Variants in PIGU observed in about 807,000 individuals in gnomAD.
The protein encoded by PIGU is phosphatidylinositol glycan anchor biosynthesis class U.
PIGU carries 24 observed loss-of-function variants against 49.9 expected under a neutral mutation model. That is an observed-to-expected ratio of 0.48 (90% CI 0.35 to 0.68). The LOEUF is 0.68. Among genes scored for constraint, PIGU ranks in the 30% least tolerant of loss-of-function variants. The pLI, the probability that PIGU is intolerant of heterozygous loss-of-function variation, is 0.01. For synonymous variants in PIGU, 220 were observed against 205.7 expected (o/e 1.07, Z -0.59); for missense variants, 490 against 532.6 (o/e 0.92, Z 0.79).
intron 11 of PIGU, among the ~76,000 whole-genome samples, chr20:34,570,502 C>T (rs761566255): frequency 6.6e-6 from 1 of 152,124 alleles, no homozygotes; most frequent in Non-Finnish European, 1.5e-5. Context: ...GCAGCCTCCA[C>T]CTTCAGGGTT....
chr20:34,672,970 G>A (rs76769636), intron 1 of PIGU, among the ~76,000 whole-genome samples: 12,374 of 149,586 alleles, frequency 0.083, 1,661 homozygotes, highest in African/African-American at 0.29. Flanking sequence ...AATTTAAAAT[G>A]TCAGCCCGGC....
In PIGU at chr20:34,578,712, G is replaced by C. The variant is rs150400566; in HGVS notation, c.1051+2836C>G. Among the ~76,000 whole-genome samples the C allele has an allele frequency of 1.6e-3, 249 of 152,310 alleles. 1 individual carries two copies. Among genetic ancestry groups the C allele is most frequent in the African/African-American group, 5.6e-3 (233 of 41,576 alleles). ...GCCTGTGGTGACCTCTGCAGGAATG[G>C]GGAGCTGCTATTCACTCTTGCTGGC... is the stretch of plus-strand genomic sequence containing the variant. On this transcript the variant is annotated intron_variant, in intron 10 of 11. Transcript: ENST00000217446.
chr20:34,590,519 G>A (rs187021764), intron 7 of PIGU, among the ~76,000 whole-genome samples: 16 of 150,002 alleles, frequency 1.1e-4, no homozygotes, highest in African/African-American at 2.9e-4. Flanking sequence ...ATTGCACCAC[G>A]GCTGCACTCC....
At chr20:34,624,469 C>T (rs1174230564) in intron 6 of PIGU, among the ~76,000 whole-genome samples, 2 of 152,162 alleles carry the variant, frequency 1.3e-5, no homozygotes, top group African/African-American at 2.4e-5. Context: ...AGCACTGATC[C>T]TTCTTTCTCC....
At chr20:34,619,014 G>C (rs1361810773) in intron 6 of PIGU, among the ~76,000 whole-genome samples, 1 of 152,170 alleles carries the variant, frequency 6.6e-6, no homozygotes, top group Non-Finnish European at 1.5e-5. Context: ...ACAGACGAGA[G>C]AGTGGAGAGA....
rs528840641 is a variant in PIGU at position 34,652,010 on chromosome 20, C to T, written c.195+5170G>A. On this transcript the variant is annotated intron_variant, in intron 2 of 11. Coordinates refer to ENST00000217446, the MANE Select transcript of PIGU (RefSeq NM_080476.5). ...CAGCTATTTGGTTTGTTTTTATTTT[C>T]GTTTTTTGAGTCATGATTTTACTCT... is the stretch of plus-strand genomic sequence containing the variant. Among the ~76,000 whole-genome samples, 4 of 152,084 alleles carry T rather than the reference C, an allele frequency of 2.6e-5. No individual in the cohort carries two copies. The East Asian group carries it at 7.7e-4, about 29-fold the overall frequency.
At chr20:34,583,458 C>A (rs1983567206) in intron 9 of PIGU, among the ~76,000 whole-genome samples, 1 of 152,202 alleles carries the variant, frequency 6.6e-6, no homozygotes, top group South Asian at 2.1e-4. Context: ...GAGCTTCATA[C>A]CCAGGCAGAA....
At chr20:34,658,131 T>C (rs888680365) in intron 1 of PIGU, among the ~76,000 whole-genome samples, 8 of 152,348 alleles carry the variant, frequency 5.3e-5, no homozygotes, top group African/African-American at 1.4e-4. Flanking sequence ...TGCCTGCGAT[T>C]GCAGGCGCGC....
At chr20:34,676,811 G>A in intron 1 of PIGU, 145 bp downstream of exon 1, 1 of 1,124,640 alleles carries the variant, frequency 8.9e-7, no homozygotes, top group Non-Finnish European at 1.3e-6. Flanking sequence ...CCGCCCTCAG[G>A]CCCCGCCCTC....
rs746138659 is a variant in PIGU, at chr20:34,581,590, G to A, written c.1009C>T (p.Leu337Phe). 5 of 1,614,018 alleles carry A rather than the reference G, an allele frequency of 3.1e-6. No individual in the cohort carries two copies. The highest frequency in any genetic ancestry group is 3.4e-6 in the Non-Finnish European group (4 of 1,180,004). ...KSYPTVGDVA[L>F]YMAFFPVWNH... Reference sequence around the variant, plus strand: ...CACACGGGGAAGAAGGCCATGTAGAGCGCCACGTCCCCCACTGTCGGGTAG... The same window carrying A: ...CACACGGGGAAGAAGGCCATGTAGAACGCCACGTCCCCCACTGTCGGGTAG... Residue 337 changes from leucine (L) to phenylalanine (F), a missense_variant, in exon 10 of 12, where the codon CTC becomes TTC. Transcript: ENST00000217446.
At chr20:34,645,402 G>T in intron 2 of PIGU, 68 bp from the exon 3 acceptor site, 1 of 1,464,698 alleles carries the variant, frequency 6.8e-7, no homozygotes, top group Non-Finnish European at 9.0e-7. Flanking sequence ...TTCCAGAGTA[G>T]AGAGTGGGGA....
chr20:34,589,201 T>C (rs773170763), intron 7 of PIGU, among the ~76,000 whole-genome samples: 1 of 151,908 alleles, frequency 6.6e-6, no homozygotes, highest in East Asian at 1.9e-4. Flanking sequence ...AAAGTTATGA[T>C]AGTATTAGCC....
intron 6 of PIGU, among the ~76,000 whole-genome samples, chr20:34,632,541 G>C (rs1985821282): frequency 6.6e-6 from 1 of 151,634 alleles, no homozygotes; most frequent in African/African-American, 2.4e-5. Context: ...CTAATTTTTT[G>C]TTTTTAGTAG....
In PIGU at chr20:34,588,195, T is replaced by G. The variant is rs564413085; in HGVS notation, c.782+258A>C. ...TGAAACCAGGAGGTGGAGGGTGCAG[T>G]GAGCGGAGATGGCCCCACTGCACTC... On this transcript the variant is annotated intron_variant, in intron 8 of 11. Coordinates refer to ENST00000217446, the MANE Select transcript of PIGU (RefSeq NM_080476.5). Among the ~76,000 whole-genome samples, 247 of 151,892 alleles carry G rather than the reference T, an allele frequency of 1.6e-3. 2 individuals are homozygous for G. The highest frequency in any genetic ancestry group is 2.3e-3 in the Non-Finnish European group (156 of 67,972).
chr20:34,587,793 A>G lies in PIGU; in HGVS notation c.782+660T>C, dbSNP rs193141121. Among the ~76,000 whole-genome samples the G allele has an allele frequency of 3.3e-5, 5 of 152,282 alleles. No individual in the cohort carries two copies. The East Asian group carries it at 9.7e-4, about 29-fold the overall frequency. On this transcript the variant is annotated intron_variant, in intron 8 of 11. Transcript: ENST00000217446. Reference sequence around the variant, plus strand: ...CATTCCACTTAGCATCAGATTCTCCAATTCCATCCCTACTACTGTCATAAA... The same window carrying G: ...CATTCCACTTAGCATCAGATTCTCCGATTCCATCCCTACTACTGTCATAAA...
rs13036711 is a variant in PIGU at position 34,649,692 on chromosome 20, G to A, written c.196-4358C>T. On this transcript the variant is annotated intron_variant, in intron 2 of 11. Transcript: ENST00000217446. ...TGGGATTACAGGCGTATGCCACCACGCCTGCCTAATTTTTATATTTTTAGT... is the reference window on the plus strand; with the variant it reads ...TGGGATTACAGGCGTATGCCACCACACCTGCCTAATTTTTATATTTTTAGT... Among the ~76,000 whole-genome samples the A allele has an allele frequency of 5.6e-3, 840 of 151,230 alleles. 2 individuals carry two copies. The highest frequency in any genetic ancestry group is 9.2e-3 in the Non-Finnish European group (627 of 67,824).
intron 2 of PIGU, among the ~76,000 whole-genome samples, chr20:34,650,429 C>A (rs1204734512): frequency 6.6e-6 from 1 of 151,748 alleles, no homozygotes; most frequent in Non-Finnish European, 1.5e-5. Context: ...CACCACCACA[C>A]CCAGCTAGTT....
rs182635258 is a variant in PIGU at position 34,615,336 on chromosome 20, G to A, written c.627+706C>T. On this transcript the variant is annotated intron_variant, in intron 7 of 11. Coordinates refer to ENST00000217446, the MANE Select transcript of PIGU (RefSeq NM_080476.5). ...CTATGTTCCAAGCATTGTTTCAGATGCACATACTCCATTTAAGTCCTATAA... is the reference window on the plus strand; with the variant it reads ...CTATGTTCCAAGCATTGTTTCAGATACACATACTCCATTTAAGTCCTATAA... Among the ~76,000 whole-genome samples, 6 of 152,268 alleles carry A rather than the reference G, an allele frequency of 3.9e-5. No individual in the cohort carries two copies. In the East Asian group the frequency reaches 1.2e-3, roughly 29 times the overall value.
intron 7 of PIGU, among the ~76,000 whole-genome samples, chr20:34,594,112 G>A (rs1332764215): frequency 1.4e-5 from 2 of 144,792 alleles, no homozygotes; most frequent in African/African-American, 2.6e-5. Flanking sequence ...AGGAGGTTGA[G>A]GCTTCAGTGA....
Sources: gnomAD v4.1 joint callset for allele counts (sites outside exome capture counted in the v4.1 genomes callset) on GRCh38, gnomAD v4.1.1 for gene constraint, MANE v1.5 for transcripts, NCBI Gene and HGNC (gene_info 2026-07-23, HGNC 2026-07-21) for gene names.